The following DOCK9 variants were observed in gnomAD, a reference collection of about 807,000 sequenced individuals.
DOCK9 encodes dedicator of cytokinesis protein 9.
A neutral mutation model predicts 263.3 loss-of-function variants in DOCK9; 89 were observed. That is an observed-to-expected ratio of 0.34 (90% CI 0.28 to 0.40). The LOEUF is 0.40. DOCK9 is among the 10% of genes least tolerant of loss of function. The probability of loss-of-function intolerance (pLI) is 1.00; values close to 1 mark genes in which losing one functional copy is unlikely to be tolerated. For synonymous variants in DOCK9, 976 were observed against 973.1 expected (o/e 1.00, Z -0.06); for missense variants, 2,140 against 2,603.4 (o/e 0.82, Z 3.87).
intron 1 of DOCK9, among the ~76,000 whole-genome samples, chr13:99,073,152 A>T (rs2041755391): frequency 6.6e-6 from 1 of 152,050 alleles, no homozygotes; most frequent in Non-Finnish European, 1.5e-5. Context: ...CAAGATAACC[A>T]TCGCAACCAG....
chr13:98,921,168 C>T, intron 6 of DOCK9, 80 bp from the exon 7 acceptor site: 1 of 1,381,884 alleles, frequency 7.2e-7, no homozygotes, highest in Non-Finnish European at 9.8e-7. Context: ...CTTATGACTA[C>T]ATACATACAT....
chr13:98,934,421 A>C (rs2054485484), intron 2 of DOCK9, among the ~76,000 whole-genome samples: 1 of 152,240 alleles, frequency 6.6e-6, no homozygotes, highest in South Asian at 2.1e-4. Flanking sequence ...TGGACATTCC[A>C]GTTCCTACAG....
chr13:98,923,354 T>C lies in DOCK9; in HGVS notation c.434A>G (p.Asp145Gly). 1 of 1,613,898 alleles carries C rather than the reference T, an allele frequency of 6.2e-7. No homozygotes were observed. Among genetic ancestry groups the C allele is most frequent in the Admixed American group, 1.7e-5 (1 of 60,022 alleles). The change falls in exon 5 of 53, where the codon GAT (aspartate) becomes GGT (glycine). Residue 145 changes from aspartate (D) to glycine (G), a missense_variant. By Grantham distance (94) the Asp-to-Gly change is moderately conservative. Around this residue, in one of 2 missense-constraint regions of DOCK9, gnomAD observed 1,521 missense variants for 1,741.7 expected, o/e 0.87. Coordinates refer to ENST00000682017, the MANE Select transcript of DOCK9 (RefSeq NM_001366683.2). ...RQLPNKVVKL[D>G]KLPVHVYEVD... ...TTCATAGACATGAACTGGAAGTTTA[T>C]CCAACTTGACCACTTTGCTATAAAA...
At chr13:98,846,114 G>A (rs1414507766) in intron 37 of DOCK9, 54 bp from the exon 38 acceptor site, 2 of 1,538,862 alleles carry the variant, frequency 1.3e-6, no homozygotes, top group Non-Finnish European at 1.8e-6. Context: ...TTACACTGCA[G>A]CGAGACGGGG....
intron 2 of DOCK9, among the ~76,000 whole-genome samples, chr13:98,940,634 A>G (rs917688431): frequency 2.0e-5 from 3 of 152,166 alleles, no homozygotes; most frequent in African/African-American, 4.8e-5. Context: ...CTCACCTAAC[A>G]TAGATTCTAT....
intron 38 of DOCK9, among the ~76,000 whole-genome samples, chr13:98,840,178 G>A (rs1594556092): frequency 6.6e-6 from 1 of 152,330 alleles, no homozygotes; most frequent in Non-Finnish European, 1.5e-5. Context: ...ATGAAGCTGA[G>A]CTAGTAAATC....
At chr13:98,868,101 T>A (rs1354508910) in intron 28 of DOCK9, 90 bp from the exon 29 acceptor site, 1 of 1,528,228 alleles carries the variant, frequency 6.5e-7, no homozygotes, top group Non-Finnish European at 9.0e-7. Flanking sequence ...AATAAGTTTA[T>A]CCACTGACAT....
intron 47 of DOCK9, chr13:98,808,550 C>T (rs1354282666): frequency 2.3e-6 from 2 of 864,656 alleles, no homozygotes; most frequent in Non-Finnish European, 3.8e-6. Context: ...TGCAAGCTAG[C>T]ATGAAACAAA....
At chr13:98,882,738 T>C (rs527912620) in intron 23 of DOCK9, among the ~76,000 whole-genome samples, 1 of 152,346 alleles carries the variant, frequency 6.6e-6, no homozygotes, top group South Asian at 2.1e-4. Flanking sequence ...TCTCTGCTTC[T>C]GTGCCCATCA....
Position 98,911,432 on chromosome 13 carries a change from A to G in DOCK9, c.960+2896T>C, listed in dbSNP as rs148473912. ...TATCACATGAACTCCCAAAATAGGT[A>G]CATTATATACCAATGAAAGTAAATA... is the stretch of plus-strand genomic sequence containing the variant. On this transcript the variant is annotated intron_variant, in intron 9 of 52. Coordinates refer to ENST00000682017, the MANE Select transcript of DOCK9 (RefSeq NM_001366683.2). Among the ~76,000 whole-genome samples, 91 of 152,336 alleles carry G rather than the reference A, an allele frequency of 6.0e-4. 1 individual carries two copies. The highest frequency in any genetic ancestry group is 2.2e-3 in the African/African-American group (90 of 41,578).
chr13:98,932,292 G>A (rs1403572710), intron 2 of DOCK9, among the ~76,000 whole-genome samples: 2 of 152,228 alleles, frequency 1.3e-5, no homozygotes, highest in East Asian at 3.9e-4. Context: ...CTACTCGGGA[G>A]GCTGATGGAG....
intron 3 of DOCK9, 132 bp downstream of exon 3, chr13:98,930,036 C>A: frequency 1.3e-6 from 1 of 785,220 alleles, no homozygotes; most frequent in Non-Finnish European, 2.0e-6. Context: ...TCACATTATT[C>A]TATTTGAACT....
intron 7 of DOCK9, among the ~76,000 whole-genome samples, chr13:98,920,457 C>T (rs1166426028): frequency 3.9e-5 from 6 of 152,080 alleles, no homozygotes; most frequent in Admixed American, 1.3e-4. Context: ...AACTGAGGTA[C>T]AGAGAGGTTA....
Position 98,883,033 on chromosome 13 carries a change from A to T in DOCK9, c.2559+9T>A, listed in dbSNP as rs2045081015. On this transcript the variant is annotated intron_variant, in intron 23 of 52. Coordinates refer to ENST00000682017, the MANE Select transcript of DOCK9 (RefSeq NM_001366683.2). ...CTTAAAAGGGGATACTAAGAAAGCC[A>T]TGTGATACCTTAAGGTACTTTACAA... is the stretch of plus-strand genomic sequence containing the variant. The T allele has an allele frequency of 1.2e-6, 2 of 1,609,812 alleles. No homozygotes were observed.
chr13:99,073,838 G>C (rs2041796371), intron 1 of DOCK9, among the ~76,000 whole-genome samples: 1 of 152,188 alleles, frequency 6.6e-6, no homozygotes, highest in Non-Finnish European at 1.5e-5. Flanking sequence ...ACATCTGGGA[G>C]CTTGTATGCT....
At chr13:98,886,700 A>C (rs1259834663) in intron 18 of DOCK9, 76 bp from the exon 19 acceptor site, 54 of 1,357,600 alleles carry the variant, frequency 4.0e-5, no homozygotes, top group Non-Finnish European at 5.5e-5. Context: ...ATCGTAAAGG[A>C]GGAGGCATTC....
In DOCK9 at chr13:98,953,603, C is replaced by T. The variant is rs1264355287; in HGVS notation, c.243+1832G>A. ...TTAATACCAAGAAGAACACATACTT[C>T]ATGTTGAGAGAAATTTGAGATAACC... On this transcript the variant is annotated intron_variant, in intron 2 of 52. Coordinates refer to ENST00000682017, the MANE Select transcript of DOCK9 (RefSeq NM_001366683.2). 2.0e-5 allele frequency among the ~76,000 whole-genome samples: 3 copies of T among 152,330 alleles called. No homozygotes were observed. The South Asian group carries it at 6.2e-4, about 32-fold the overall frequency.
chr13:98,915,151 T>A (rs1301937968), intron 8 of DOCK9, among the ~76,000 whole-genome samples, 178 bp downstream of exon 8: 1 of 148,648 alleles, frequency 6.7e-6, no homozygotes, highest in African/African-American at 2.4e-5. Context: ...ATACGAAATG[T>A]CAGGGAAGTA....
At chr13:99,022,492 A>G (rs183472887) in intron 1 of DOCK9, among the ~76,000 whole-genome samples, 4 of 152,312 alleles carry the variant, frequency 2.6e-5, no homozygotes, top group East Asian at 1.9e-4. Flanking sequence ...GGCAAGCTCA[A>G]TGAGTGACCA....
Sources: gnomAD v4.1 joint callset for allele counts (sites outside exome capture counted in the v4.1 genomes callset) on GRCh38, gnomAD v4.1.1 for gene constraint, gnomAD v4.1.1 regional missense constraint, MANE v1.5 for transcripts, NCBI Gene and HGNC (gene_info 2026-07-23, HGNC 2026-07-21) for gene names.